Variants in KCNIP1 observed in about 807,000 individuals in gnomAD.
KCNIP1 encodes the protein A-type potassium channel modulatory protein KCNIP1.
KCNIP1 carries 18 observed loss-of-function variants against 33.0 expected under a neutral mutation model. The ratio of observed to expected loss-of-function variants is 0.55; its 90% CI spans 0.38 to 0.81. The LOEUF is 0.81. Ranked by LOEUF, KCNIP1 falls within the 30% of genes least tolerant of loss-of-function variation. The pLI is 0.00. For missense variants in KCNIP1, 238 were observed against 271.6 expected, an observed-to-expected ratio of 0.88 and a Z score of 0.87; for synonymous variants, 93 against 98.3, an observed-to-expected ratio of 0.95 and a Z score of 0.32.
At chr5:170,380,970 T>C (rs754071411) in intron 1 of KCNIP1, among the ~76,000 whole-genome samples, 6 of 152,160 alleles carry the variant, frequency 3.9e-5, no homozygotes, top group Non-Finnish European at 7.4e-5. Flanking sequence ...CGATAAGAAC[T>C]CAAAAAAGTG....
At chr5:170,593,225 GGA>G (rs1333031869) in intron 1 of KCNIP1, among the ~76,000 whole-genome samples, 1 of 152,148 alleles carries the variant, frequency 6.6e-6, no homozygotes, top group Non-Finnish European at 1.5e-5. Flanking sequence ...CAGGTGGGTG[GGA>G]GAGACAACAG....
At chr5:170,378,362 G>A in intron 1 of KCNIP1, 1 of 225,316 alleles carries the variant, frequency 4.4e-6, no homozygotes, top group Non-Finnish European at 8.6e-6. Flanking sequence ...ACAACAGGGA[G>A]AACTCAGGCA....
At chr5:170,434,577 C>A (rs1236274844) in intron 1 of KCNIP1, among the ~76,000 whole-genome samples, 2 of 152,138 alleles carry the variant, frequency 1.3e-5, no homozygotes, top group Admixed American at 1.3e-4. Flanking sequence ...CTGGTCTCTG[C>A]AGACTAGGAG....
At chr5:170,609,062 G>T (rs1034418450) in intron 1 of KCNIP1, among the ~76,000 whole-genome samples, 2 of 152,090 alleles carry the variant, frequency 1.3e-5, no homozygotes, top group African/African-American at 4.8e-5. Flanking sequence ...GCCTCCTGGT[G>T]CTCCTCAGAA....
At chr5:170,658,871 T>A (rs1239958695) in intron 1 of KCNIP1, among the ~76,000 whole-genome samples, 1 of 152,206 alleles carries the variant, frequency 6.6e-6, no homozygotes, top group Non-Finnish European at 1.5e-5. Context: ...GGTCTGAACA[T>A]GTAACCATTC....
At chr5:170,364,465 G>T (rs752976792) in intron 1 of KCNIP1, among the ~76,000 whole-genome samples, 1 of 152,088 alleles carries the variant, frequency 6.6e-6, no homozygotes, top group Admixed American at 6.5e-5. Flanking sequence ...AATCATATAC[G>T]ATTATAATCC....
intron 1 of KCNIP1, among the ~76,000 whole-genome samples, chr5:170,471,490 C>G (rs1211395511): frequency 6.6e-6 from 1 of 152,206 alleles, no homozygotes; most frequent in Non-Finnish European, 1.5e-5. Context: ...TGATCCATCT[C>G]CCTTTTCACA....
At position 170,625,488 on chromosome 5, in the gene KCNIP1, G is replaced by A. The variant is rs79479862; in HGVS notation, c.62-93270G>A. On this transcript the variant is annotated intron_variant, in intron 1 of 7. Transcript: ENST00000328939. ...TCCCCATCGCTGGGCTGTGACCTGC[G>A]GGGGCGCCCCTCTATGGAAGGGAAG... Among the ~76,000 whole-genome samples, 744 of 152,296 alleles carry A rather than the reference G, an allele frequency of 4.9e-3. 14 individuals carry two copies. The East Asian group carries it at 0.068, about 14-fold the overall frequency.
At chr5:170,439,588 A>AC (rs1755942379) in intron 1 of KCNIP1, among the ~76,000 whole-genome samples, 1 of 152,168 alleles carries the variant, frequency 6.6e-6, no homozygotes, top group South Asian at 2.1e-4. Flanking sequence ...ATCCAGCCTG[A>AC]CCACTTAGTG....
rs752545904 is a variant in KCNIP1 at position 170,378,930 on chromosome 5, CG to C, written c.88+24969del. ...GGCTCTGACCTTCTCCACGTCGGCC[CG>C]GGCCGTCTGGTAATTGTCCACGCTG... On this transcript the variant is annotated intron_variant, in intron 1 of 7. Transcript: ENST00000377360. 3.1e-6 allele frequency: 5 copies of C among 1,614,140 alleles called. No individual in the cohort carries two copies. In the South Asian group the frequency reaches 3.3e-5, roughly 11 times the overall value.
chr5:170,359,686 A>T (rs1763449972), intron 1 of KCNIP1, among the ~76,000 whole-genome samples: 1 of 152,138 alleles, frequency 6.6e-6, no homozygotes, highest in South Asian at 2.1e-4. Flanking sequence ...CAGGAGGGGC[A>T]TGTGTTCACC....
At chr5:170,713,033 T>G (rs1055046068) in intron 1 of KCNIP1, 1 of 708,890 alleles carries the variant, frequency 1.4e-6, no homozygotes, top group Non-Finnish European at 2.5e-6. Flanking sequence ...ATAGAAACAG[T>G]TGGAAATGTT....
At chr5:170,365,988 G>A (rs1763649047) in intron 1 of KCNIP1, among the ~76,000 whole-genome samples, 1 of 152,166 alleles carries the variant, frequency 6.6e-6, no homozygotes, top group Non-Finnish European at 1.5e-5. Context: ...GCAAACCAGG[G>A]ACCTCCCATG....
chr5:170,552,003 G>T (rs1330297222), intron 1 of KCNIP1, among the ~76,000 whole-genome samples: 1 of 146,486 alleles, frequency 6.8e-6, no homozygotes, highest in African/African-American at 2.7e-5. Context: ...GTGCGTATGT[G>T]TGTGTGAGTG....
chr5:170,476,439 A>G (rs1581226983), intron 1 of KCNIP1, among the ~76,000 whole-genome samples: 2 of 152,224 alleles, frequency 1.3e-5, no homozygotes, highest in African/African-American at 4.8e-5. Flanking sequence ...GGTGTCATAC[A>G]TTAGATGGTA....
At chr5:170,600,317 C>A (rs1241388809) in intron 1 of KCNIP1, among the ~76,000 whole-genome samples, 1 of 152,252 alleles carries the variant, frequency 6.6e-6, no homozygotes, top group African/African-American at 2.4e-5. Context: ...CAGCATTTCT[C>A]TGAACACATC....
intron 1 of KCNIP1, among the ~76,000 whole-genome samples, chr5:170,584,850 G>A (rs565351115): frequency 2.4e-4 from 36 of 152,268 alleles, no homozygotes; most frequent in South Asian, 2.3e-3. Context: ...TCTCCCAGAG[G>A]CTAACATTCT....
intron 1 of KCNIP1, among the ~76,000 whole-genome samples, chr5:170,395,416 G>A (rs546202972): frequency 1.3e-5 from 2 of 152,280 alleles, no homozygotes; most frequent in South Asian, 2.1e-4. Flanking sequence ...TGGCTAAGTC[G>A]GGATAGATTT....
intron 1 of KCNIP1, among the ~76,000 whole-genome samples, chr5:170,451,329 C>T (rs914815325): frequency 7.9e-5 from 12 of 152,096 alleles, no homozygotes; most frequent in African/African-American, 2.9e-4. Context: ...ATTATAGGTA[C>T]CCAATTATAG....
Sources: gnomAD v4.1 joint callset for allele counts (sites outside exome capture counted in the v4.1 genomes callset) on GRCh38, gnomAD v4.1.1 for gene constraint, MANE v1.5 for transcripts, NCBI Gene and HGNC (gene_info 2026-07-23, HGNC 2026-07-21) for gene names.